The following PCSK7 variants were observed in gnomAD, a reference collection of about 807,000 sequenced individuals.
PCSK7 encodes lymphoma proprotein convertase.
In PCSK7, 38 loss-of-function variants were observed where a neutral mutation model predicts 73.3. The ratio of observed to expected loss-of-function variants is 0.52; its 90% CI spans 0.40 to 0.68. The LOEUF is 0.68. Among genes scored for constraint, PCSK7 ranks in the 30% least tolerant of loss-of-function variants. The probability of loss-of-function intolerance (pLI) is 0.00; values close to 1 mark genes in which losing one functional copy is unlikely to be tolerated. For synonymous variants in PCSK7, 296 were observed against 383.8 expected, an observed-to-expected ratio of 0.77 and a Z score of 2.68; for missense variants, 692 against 991.5, an observed-to-expected ratio of 0.70 and a Z score of 4.06.
intron 6 of PCSK7, 61 bp from the exon 7 acceptor site, chr11:117,224,816 C>G: frequency 2.4e-6 from 3 of 1,262,100 alleles, no homozygotes. Context: ...ACCCACCCAG[C>G]GCCTCCCAGT....
chr11:117,215,593 G>C (rs1282325871), intron 12 of PCSK7: 2 of 150,510 alleles, frequency 1.3e-5, no homozygotes, highest in Non-Finnish European at 2.9e-5. Context: ...AGTAGAGATG[G>C]GGTTTCACCG....
Position 117,204,343 on chromosome 11 carries a change from G to A in PCSK7, c.*1654C>T, listed in dbSNP as rs199737213. On this transcript the variant is annotated 3_prime_UTR_variant, in exon 17 of 17. Coordinates refer to ENST00000320934, the MANE Select transcript of PCSK7 (RefSeq NM_004716.4). ...GGCATGACAGGCTACGGACGACCTC[G>A]GCAGATCATCAGTTAGAGCGGAGAG... 1.1e-4 allele frequency: 175 copies of A among 1,614,218 alleles called. No homozygotes were observed. Among genetic ancestry groups the A allele is most frequent in the Middle Eastern group, 1.6e-4 (1 of 6,062 alleles).
intron 10 of PCSK7, 74 bp from the exon 11 acceptor site, chr11:117,219,238 G>A: frequency 1.8e-6 from 2 of 1,086,084 alleles, no homozygotes; most frequent in Non-Finnish European, 1.3e-6. Flanking sequence ...TGGTTTCCCT[G>A]CTTGCCCTGC....
chr11:117,223,875 A>G (rs17120523), intron 8 of PCSK7: 34,974 of 580,854 alleles, frequency 0.06, 1,255 homozygotes, highest in Middle Eastern at 0.1. Context: ...GGTGATCTCC[A>G]GATGATGGCT....
At chr11:117,215,378 G>GTGTGTGTGTGTGTGTGTGTGTA (rs1565307913) in intron 12 of PCSK7, 1 of 62,542 alleles carries the variant, frequency 1.6e-5, no homozygotes, top group African/African-American at 1.2e-4. Context: ...GTGTGTGTGT[G>GTGTGTGTGTGTGTGTGTGTGTA]TGTATATATA....
intron 9 of PCSK7, 76 bp downstream of exon 9, chr11:117,223,132 G>T: frequency 3.4e-6 from 3 of 884,372 alleles, no homozygotes; most frequent in East Asian, 2.4e-5. Flanking sequence ...AGGGAACAGT[G>T]AGAAGCGCTG....
chr11:117,212,737 C>CATT (rs2031790686), intron 12 of PCSK7: 1 of 118,950 alleles, frequency 8.4e-6, no homozygotes, highest in East Asian at 2.7e-4. Flanking sequence ...TTTTTTGAGA[C>CATT]AGAGTCTTGC....
intron 12 of PCSK7, chr11:117,214,713 T>G (rs1364051262): frequency 6.6e-6 from 1 of 152,252 alleles, no homozygotes; most frequent in African/African-American, 2.4e-5. Context: ...TTCAGTTCAT[T>G]CATTTGAAAA....
chr11:117,229,298 G>T, intron 3 of PCSK7, 79 bp downstream of exon 3: 2 of 1,067,192 alleles, frequency 1.9e-6, no homozygotes, highest in Non-Finnish European at 2.8e-6. Flanking sequence ...TGACTGAAGA[G>T]TGATATAGTC....
intron 9 of PCSK7, 114 bp from the exon 10 acceptor site, chr11:117,219,872 G>A: frequency 2.8e-6 from 2 of 709,642 alleles, no homozygotes; most frequent in South Asian, 4.4e-5. Flanking sequence ...GATTGCTTGA[G>A]CACAGGAGTT....
intron 9 of PCSK7, chr11:117,220,088 T>C (rs891622325): frequency 3.2e-5 from 6 of 186,716 alleles, no homozygotes; most frequent in Non-Finnish European, 1.1e-5. Context: ...AAGGACCCAA[T>C]AGCAGGGCAG....
At chr11:117,224,601 G>C in intron 7 of PCSK7, 100 bp downstream of exon 7, 1 of 950,908 alleles carries the variant, frequency 1.1e-6, no homozygotes, top group Non-Finnish European at 1.7e-6. Context: ...GAGACTGAGC[G>C]TGGAGGTGGA....
chr11:117,215,380 G>GTGTGTGTGTATATATACATATATATA (rs1164738557), intron 12 of PCSK7: 2 of 55,900 alleles, frequency 3.6e-5, no homozygotes, highest in Non-Finnish European at 5.6e-5. Context: ...GTGTGTGTGT[G>GTGTGTGTGTATATATACATATATATA]TATATATATA....
intron 4 of PCSK7, among the ~76,000 whole-genome samples, chr11:117,227,731 G>A (rs979585993): frequency 1.3e-5 from 2 of 152,188 alleles, no homozygotes; most frequent in Admixed American, 1.3e-4. Context: ...GTGAGCCACC[G>A]CGCCCGGACC....
rs2134275709 is a variant in PCSK7 at position 117,205,546 on chromosome 11, A to G, written c.*451T>C. 1 of 236,406 alleles carries G rather than the reference A, an allele frequency of 4.2e-6. No homozygotes were observed. Among genetic ancestry groups the G allele is most frequent in the East Asian group, 6.0e-5 (1 of 16,620 alleles). The allele number at this position is 236,406 out of a possible 1,614,324, so 14.6% of individuals were successfully genotyped here. ...GATAATGGAGGCAGCCGCTTTCAGG[A>G]CAGGCATGTCCAGGGGCTCCTCCCA... On this transcript the variant is annotated 3_prime_UTR_variant, in exon 17 of 17. Coordinates refer to ENST00000320934, the MANE Select transcript of PCSK7 (RefSeq NM_004716.4).
chr11:117,229,544 G>T lies in PCSK7; in HGVS notation c.301C>A (p.Pro101Thr). Residue 101 changes from proline (P) to threonine (T), a missense_variant, in exon 3 of 17, where the codon CCT becomes ACT. This residue lies in a region of PCSK7 where 574 missense variants were observed against 689.8 expected (regional missense o/e 0.83). Coordinates refer to ENST00000320934, the MANE Select transcript of PCSK7 (RefSeq NM_004716.4). ...ELQGHYLFVQ[P>T]AGHRPALEVE... ...TCCAGGGCCGGCCTGTGCCCAGCAGGCTGGACAAAGAGGTAGTGCCCCTGA... is the reference window on the plus strand; with the variant it reads ...TCCAGGGCCGGCCTGTGCCCAGCAGTCTGGACAAAGAGGTAGTGCCCCTGA... The T allele has an allele frequency of 6.2e-7, 1 of 1,613,578 alleles. No individual in the cohort carries two copies. The highest frequency in any genetic ancestry group is 1.1e-5 in the South Asian group (1 of 91,090).
chr11:117,223,138 C>A, intron 9 of PCSK7, 70 bp downstream of exon 9: 1 of 905,570 alleles, frequency 1.1e-6, no homozygotes, highest in East Asian at 2.4e-5. Flanking sequence ...CAGTGAGAAG[C>A]GCTGTGATGT....
At chr11:117,226,199 TG>T (rs1166303413) in intron 5 of PCSK7, 178 bp from the exon 6 acceptor site, 1 of 593,038 alleles carries the variant, frequency 1.7e-6, no homozygotes. Context: ...TGCAGTGGCA[TG>T]ATCTCGGCTC....
chr11:117,224,183 G>A lies in PCSK7; in HGVS notation c.949C>T (p.Gln317Ter). 1 of 1,614,132 alleles carries A rather than the reference G, an allele frequency of 6.2e-7. No homozygotes were observed. Among genetic ancestry groups the A allele is most frequent in the Non-Finnish European group, 8.5e-7 (1 of 1,180,004 alleles). Reference protein sequence around the residue: ...ALQHGVIAGRQGFGSIFVVAS... With the variant: ...ALQHGVIAGR ...ACCACAAAGATGCTCCCAAAGCCCT[G>A]GCGACCAGCAATCACCCCATGTTGT... Residue 317 changes from glutamine (Q) to a stop codon, truncating the protein, a stop_gained, in exon 8 of 17, where the codon CAG becomes TAG. Coordinates refer to ENST00000320934, the MANE Select transcript of PCSK7 (RefSeq NM_004716.4). LOFTEE classifies it high-confidence loss of function.
Sources: gnomAD v4.1 joint callset for allele counts (sites outside exome capture counted in the v4.1 genomes callset) on GRCh38, gnomAD v4.1.1 for gene constraint, gnomAD v4.1.1 regional missense constraint, MANE v1.5 for transcripts, NCBI Gene and HGNC (gene_info 2026-07-23, HGNC 2026-07-21) for gene names.